The following NTN1 variants were observed in gnomAD, a reference collection of about 807,000 sequenced individuals.
The protein encoded by NTN1 is netrin-1.
Under a neutral mutation model 54.2 loss-of-function variants are expected in NTN1, and 11 were observed. That is an observed-to-expected ratio of 0.20 (90% CI 0.13 to 0.34). The LOEUF (loss-of-function observed/expected upper bound fraction) is 0.34. Among genes scored for constraint, NTN1 ranks in the 10% least tolerant of loss-of-function variants. The probability of loss-of-function intolerance (pLI) is 1.00; values close to 1 mark genes in which losing one functional copy is unlikely to be tolerated. For missense variants in NTN1, 740 were observed against 893.1 expected (o/e 0.83, Z 2.18); for synonymous variants, 371 against 382.0 (o/e 0.97, Z 0.33).
At chr17:9,136,598 G>GA (rs905327262) in intron 2 of NTN1, among the ~76,000 whole-genome samples, 2 of 151,760 alleles carry the variant, frequency 1.3e-5, no homozygotes, top group African/African-American at 2.4e-5. Flanking sequence ...AACAAAAAAA[G>GA]AAAAAAAAGA....
chr17:9,228,545 CAGAA>C (rs1298781769), intron 6 of NTN1, among the ~76,000 whole-genome samples: 1 of 152,198 alleles, frequency 6.6e-6, no homozygotes, highest in Non-Finnish European at 1.5e-5. Flanking sequence ...CCCTGGGACT[CAGAA>C]AGAGGGGGAG....
At chr17:9,021,452 T>C (rs1267039411), upstream of NTN1, 1 of 149,778 alleles carries the variant, frequency 6.7e-6, no homozygotes, top group Non-Finnish European at 1.5e-5. Flanking sequence ...CGGACGTTAT[T>C]GGCCGGCGCC....
intron 2 of NTN1, among the ~76,000 whole-genome samples, chr17:9,062,768 A>T (rs2092002734): frequency 6.6e-6 from 1 of 152,212 alleles, no homozygotes; most frequent in African/African-American, 2.4e-5. Context: ...TTCGGGGATT[A>T]CACTTCATGT....
chr17:9,209,297 C>T (rs1314159264), intron 5 of NTN1, among the ~76,000 whole-genome samples: 1 of 152,150 alleles, frequency 6.6e-6, no homozygotes, highest in Non-Finnish European at 1.5e-5. Flanking sequence ...GTCCTGGGGC[C>T]AGAAGTAGAT....
intron 6 of NTN1, among the ~76,000 whole-genome samples, chr17:9,230,738 G>A (rs1905782275): frequency 6.6e-6 from 1 of 152,142 alleles, no homozygotes; most frequent in Non-Finnish European, 1.5e-5. Context: ...GGAGCCCTGA[G>A]GGGAGAGATG....
intron 2 of NTN1, among the ~76,000 whole-genome samples, chr17:9,114,160 A>ATATAT (rs1310655092): frequency 5.0e-4 from 47 of 94,380 alleles, no homozygotes; most frequent in African/African-American, 1.8e-3. Flanking sequence ...AAAGAAAAAA[A>ATATAT]AAAAAAATAT....
In NTN1 at chr17:9,211,863, GT is replaced by G. The variant is rs2142347336; in HGVS notation, c.1412-9303del. On this transcript the variant is annotated intron_variant, in intron 5 of 6. Coordinates refer to ENST00000173229, the MANE Select transcript of NTN1 (RefSeq NM_004822.3). The surrounding 1 kb of genome is among the most constrained non-coding windows in gnomAD (Gnocchi z 4.4). ...CCTGTTCCTTCCCTTTGAATTTTTG[GT>G]TGCTGTCTTTTTCTTAGTGATTCAG... Among the ~76,000 whole-genome samples, 1 of 152,008 alleles carries G rather than the reference GT, an allele frequency of 6.6e-6. No individual in the cohort carries two copies. The highest frequency in any genetic ancestry group is 6.5e-5 in the Admixed American group (1 of 15,276).
chr17:9,109,292 G>GTA (rs1176981238), intron 2 of NTN1, among the ~76,000 whole-genome samples: 4 of 152,104 alleles, frequency 2.6e-5, no homozygotes, highest in African/African-American at 9.7e-5. Flanking sequence ...GAAACAAATA[G>GTA]TATAGTCAGT....
intron 2 of NTN1, among the ~76,000 whole-genome samples, chr17:9,098,203 T>C (rs552101584): frequency 6.6e-6 from 1 of 152,324 alleles, no homozygotes; most frequent in East Asian, 1.9e-4. Flanking sequence ...GACATAAGGT[T>C]GATGCCACCT....
At chr17:9,059,579 C>T (rs1384069528) in intron 2 of NTN1, among the ~76,000 whole-genome samples, 1 of 152,006 alleles carries the variant, frequency 6.6e-6, no homozygotes, top group Non-Finnish European at 1.5e-5. Flanking sequence ...CAAAAGGGCA[C>T]ATATGATATG....
rs1023572641 is a variant in NTN1 at position 9,022,167 on chromosome 17, G to T, written c.-63-144G>T. The T allele has an allele frequency of 5.8e-6, 3 of 512,976 alleles. No individual in the cohort carries two copies. The African/African-American group carries it at 6.0e-5, about 10-fold the overall frequency. The allele number at this position is 512,976 out of a possible 1,614,324, so 31.8% of individuals were successfully genotyped here. Reference sequence around the variant, plus strand: ...AGGGCCCCGGCTTCGCCGCCCGCGGGACTTTGGGGGAGAGAGGCGGGCAGT... The same window carrying T: ...AGGGCCCCGGCTTCGCCGCCCGCGGTACTTTGGGGGAGAGAGGCGGGCAGT... On this transcript the variant is annotated intron_variant, in intron 1 of 6. Transcript: ENST00000173229.
chr17:9,089,798 T>C (rs1017816803), intron 2 of NTN1, among the ~76,000 whole-genome samples: 3 of 152,126 alleles, frequency 2.0e-5, no homozygotes, highest in Non-Finnish European at 2.9e-5. Context: ...CTTTTTCCAG[T>C]TGGGGGTTTC....
rs1906159680 is a variant in NTN1, at chr17:9,240,238, A to G, written c.*270A>G. The G allele has an allele frequency of 6.5e-6, 1 of 153,138 alleles. No homozygotes were observed. Among genetic ancestry groups the G allele is most frequent in the Admixed American group, 6.5e-5 (1 of 15,274 alleles). 9.5% of individuals were successfully genotyped at this position (153,138 alleles called of 1,614,324 possible). On this transcript the variant is annotated 3_prime_UTR_variant, in exon 7 of 7. Transcript: ENST00000173229. ...AGAAATGACGAGACGTAGCTACCTC[A>G]CGGGGCTCCTTCCAGAGCAGAGACG...
intron 5 of NTN1, among the ~76,000 whole-genome samples, chr17:9,205,974 C>G (rs1340438325): frequency 1.3e-5 from 2 of 152,256 alleles, no homozygotes; most frequent in Non-Finnish European, 2.9e-5. Context: ...GCTCCTGCCG[C>G]AGACGGGCTG....
Position 9,228,321 on chromosome 17 carries a change from C to T in NTN1, c.1486+7079C>T, listed in dbSNP as rs1243904485. 2.6e-5 allele frequency among the ~76,000 whole-genome samples: 4 copies of T among 152,208 alleles called. No individual in the cohort carries two copies. In the East Asian group the frequency reaches 7.7e-4, roughly 29 times the overall value. On this transcript the variant is annotated intron_variant, in intron 6 of 6. Transcript: ENST00000173229. ...TCTCTAAGCAAGAAGCTAGGCATAG[C>T]ACGAGGAAACGGGAGAAGAGTAAGA... is the stretch of plus-strand genomic sequence containing the variant.
the NTN1 span, among the ~76,000 whole-genome samples, chr17:9,011,682 C>T: frequency 6.6e-6 from 1 of 152,178 alleles, no homozygotes; most frequent in Non-Finnish European, 1.5e-5. Flanking sequence ...CTCTGCCTCC[C>T]AGGTTCAAGT....
At chr17:9,202,926 T>C (rs985431199) in intron 5 of NTN1, among the ~76,000 whole-genome samples, 2 of 152,116 alleles carry the variant, frequency 1.3e-5, no homozygotes, top group Non-Finnish European at 2.9e-5. Flanking sequence ...TATTTTTTTA[T>C]TTTTTATTTT....
intron 2 of NTN1, among the ~76,000 whole-genome samples, chr17:9,110,620 C>G (rs945811780): frequency 8.5e-5 from 13 of 152,134 alleles, no homozygotes; most frequent in African/African-American, 2.4e-4. Context: ...TAGGGCCGTT[C>G]TAACGAGTTA....
intron 6 of NTN1, among the ~76,000 whole-genome samples, chr17:9,234,456 C>G (rs1227725874): frequency 6.6e-6 from 1 of 152,234 alleles, no homozygotes; most frequent in African/African-American, 2.4e-5. Flanking sequence ...TCCTGGCTGC[C>G]CTGGAACTGC....
Sources: gnomAD v4.1 joint callset for allele counts (sites outside exome capture counted in the v4.1 genomes callset) on GRCh38, gnomAD v4.1.1 for gene constraint, Gnocchi (gnomAD v3.1) non-coding constraint, MANE v1.5 for transcripts, NCBI Gene and HGNC (gene_info 2026-07-23, HGNC 2026-07-21) for gene names.